Variants in PCDHA6 observed in about 807,000 individuals in gnomAD.
The protein encoded by PCDHA6 is protocadherin alpha-6.
A neutral mutation model predicts 60.3 loss-of-function variants in PCDHA6; 55 were observed. That is an observed-to-expected ratio of 0.91 (90% confidence interval 0.73 to 1.14). The LOEUF (loss-of-function observed/expected upper bound fraction) is 1.14, where lower values mean the gene tolerates loss of function less well. Ranked by LOEUF, PCDHA6 falls within the 50% of genes most tolerant of loss-of-function variation. The pLI, the probability that PCDHA6 is intolerant of heterozygous loss-of-function variation, is 0.00. For missense variants in PCDHA6, 1,327 were observed against 1,256.5 expected (o/e 1.06, Z -0.85); for synonymous variants, 652 against 557.9 (o/e 1.17, Z -2.38).
At chr5:140,927,905 C>T in intron 1 of PCDHA6, 3 of 1,614,210 alleles carry the variant, frequency 1.9e-6, no homozygotes, top group Non-Finnish European at 2.5e-6. Context: ...GATCATGCCC[C>T]CGAACTGGAC....
intron 1 of PCDHA6, chr5:140,834,523 G>A: frequency 1.9e-6 from 3 of 1,614,068 alleles, no homozygotes; most frequent in East Asian, 2.2e-5. Flanking sequence ...TTCGTGGGCC[G>A]CATCGCGCAG....
At chr5:140,867,674 T>C (rs1450203824) in intron 1 of PCDHA6, 1 of 152,128 alleles carries the variant, frequency 6.6e-6, no homozygotes, top group Non-Finnish European at 1.5e-5. Flanking sequence ...CTCTAAAATT[T>C]TGTTGCATCT....
intron 1 of PCDHA6, chr5:140,842,928 G>A (rs2150347921): frequency 6.3e-7 from 1 of 1,594,252 alleles, no homozygotes; most frequent in Admixed American, 1.7e-5. Flanking sequence ...TTCCAGGTGA[G>A]CGCGCGCGAC....
chr5:140,848,618 C>T lies in PCDHA6; in HGVS notation c.2394+18133C>T, dbSNP rs138258410. ...ACTCCGTCCCGGAGGAAGCCGAACA[C>T]GGCACCTTCGTGGGCCGCATCGCGC... is the stretch of plus-strand genomic sequence containing the variant. On this transcript the variant is annotated intron_variant, in intron 1 of 3. Transcript: ENST00000529310. The T allele has an allele frequency of 2.5e-3, 4,005 of 1,588,154 alleles. 452 individuals carry two copies. Among genetic ancestry groups the T allele is most frequent in the Middle Eastern group, 9.3e-3 (53 of 5,704 alleles).
chr5:140,848,600 C>A lies in PCDHA6; in HGVS notation c.2394+18115C>A, dbSNP rs2150414065. On this transcript the variant is annotated intron_variant, in intron 1 of 3. Transcript: ENST00000529310. The stretch of plus-strand genomic sequence containing the variant: ...GGAGCGGCCAGCTCCACTACTCCGT[C>A]CCGGAGGAAGCCGAACACGGCACCT... 2.5e-6 allele frequency: 4 copies of A among 1,593,634 alleles called. 1 individual carries two copies. The highest frequency in any genetic ancestry group is 3.4e-6 in the Non-Finnish European group (4 of 1,164,058).
chr5:140,874,772 T>C (rs2055099588), intron 1 of PCDHA6, among the ~76,000 whole-genome samples: 1 of 152,270 alleles, frequency 6.6e-6, no homozygotes, highest in South Asian at 2.1e-4. Flanking sequence ...TCCATATTTA[T>C]GATGAATTCT....
In PCDHA6 at chr5:140,855,086, A is replaced by G. The variant is rs998686310; in HGVS notation, c.2394+24601A>G. ...CTTAAATACAGAAACCACCACTCTCAGCCTGTGCAGTAGCAATAATTAAGG... is the reference window on the plus strand; with the variant it reads ...CTTAAATACAGAAACCACCACTCTCGGCCTGTGCAGTAGCAATAATTAAGG... On this transcript the variant is annotated intron_variant, in intron 1 of 3. Transcript: ENST00000529310. Among the ~76,000 whole-genome samples the G allele has an allele frequency of 3.5e-4, 52 of 150,018 alleles. 3 individuals are homozygous for G. Among genetic ancestry groups the G allele is most frequent in the African/African-American group, 1.2e-3 (49 of 41,006 alleles).
chr5:140,944,623 T>A (rs535315515), intron 1 of PCDHA6, among the ~76,000 whole-genome samples: 62 of 152,320 alleles, frequency 4.1e-4, no homozygotes, highest in Non-Finnish European at 7.3e-4. Context: ...AGAAGTATAG[T>A]GTTGTAAGCC....
intron 3 of PCDHA6, among the ~76,000 whole-genome samples, chr5:141,002,672 C>A (rs1301536253): frequency 6.6e-6 from 1 of 152,292 alleles, no homozygotes; most frequent in African/African-American, 2.4e-5. Context: ...AGGACCAAAA[C>A]CTATACGACG....
In PCDHA6 at chr5:141,010,363, G is replaced by A; in HGVS notation, c.*426G>A. On this transcript the variant is annotated 3_prime_UTR_variant, in exon 4 of 4. Coordinates refer to ENST00000529310, the MANE Select transcript of PCDHA6 (RefSeq NM_018909.4). ...CACTGGGTATGTGTGGCTACCGCGG[G>A]TATGCGAGTGCCAGATATTGGCTGA... 7 of 1,480,446 alleles carry A rather than the reference G, an allele frequency of 4.7e-6. No homozygotes were observed. The highest frequency in any genetic ancestry group is 5.4e-6 in the Non-Finnish European group (6 of 1,112,646). 91.7% of individuals were successfully genotyped at this position (1,480,446 alleles called of 1,614,324 possible). A position where few individuals can be genotyped will look rare whatever the true frequency, so the allele number is the denominator to read the frequency against.
At chr5:140,922,166 G>A (rs1304025068) in intron 1 of PCDHA6, among the ~76,000 whole-genome samples, 1 of 143,464 alleles carries the variant, frequency 7.0e-6, no homozygotes, top group East Asian at 2.2e-4. Flanking sequence ...ACAACAAAAA[G>A]TACAGCAGAC....
At chr5:140,831,653 A>G (rs1426760036) in intron 1 of PCDHA6, among the ~76,000 whole-genome samples, 1 of 151,162 alleles carries the variant, frequency 6.6e-6, no homozygotes, top group Non-Finnish European at 1.5e-5. Flanking sequence ...GTGAGCCACT[A>G]TGCTTGGCTA....
At chr5:140,865,535 T>C (rs2048909108) in intron 1 of PCDHA6, 3 of 152,192 alleles carry the variant, frequency 2.0e-5, no homozygotes, top group South Asian at 2.1e-4. Context: ...TCTTCATCCA[T>C]AGCTATAGGA....
At chr5:140,862,934 G>A (rs1050739882) in intron 1 of PCDHA6, 1 of 542,302 alleles carries the variant, frequency 1.8e-6, no homozygotes, top group South Asian at 1.4e-5. Context: ...TGGCGGCGCT[G>A]TGAGTGAGCT....
intron 1 of PCDHA6, chr5:140,875,431 T>C (rs1554167634): frequency 1.3e-6 from 2 of 1,558,558 alleles, no homozygotes. Context: ...AAGCGATCCC[T>C]TAAAACTGAT....
In PCDHA6 at chr5:141,011,172, A is replaced by G. The variant is rs377766708; in HGVS notation, c.*1235A>G. On this transcript the variant is annotated 3_prime_UTR_variant, in exon 4 of 4. Transcript: ENST00000529310. ...TCTAACCAACTATATATCAAGACCC[A>G]AAAATTGAAGAAAAATATTGTTTTC... 53 of 153,852 alleles carry G rather than the reference A, an allele frequency of 3.4e-4. No individual in the cohort carries two copies. Among genetic ancestry groups the G allele is most frequent in the African/African-American group, 1.2e-3 (51 of 41,568 alleles). 9.5% of individuals were successfully genotyped at this position (153,852 alleles called of 1,614,324 possible).
At chr5:140,936,347 G>A (rs2090928614) in intron 1 of PCDHA6, among the ~76,000 whole-genome samples, 1 of 152,066 alleles carries the variant, frequency 6.6e-6, no homozygotes, top group South Asian at 2.1e-4. Flanking sequence ...CTGCATATAT[G>A]GAATGTGTAG....
chr5:140,857,108 C>G (rs1562518295), intron 1 of PCDHA6: 2 of 1,597,858 alleles, frequency 1.3e-6, no homozygotes, highest in Non-Finnish European at 1.7e-6. Flanking sequence ...TGTCACTTCT[C>G]TGTCTCTCCC....
In PCDHA6 at chr5:140,935,762, C is replaced by T. The variant is rs187194530; in HGVS notation, c.2395-43187C>T. Among the ~76,000 whole-genome samples the T allele has an allele frequency of 2.5e-3, 386 of 152,162 alleles. 3 individuals are homozygous for T. The highest frequency in any genetic ancestry group is 0.018 in the South Asian group (87 of 4,822). On this transcript the variant is annotated intron_variant, in intron 1 of 3. Transcript: ENST00000529310. ...TTATTCCATACAATACACATTCTTC[C>T]CCACTTTGAGTTTTTTCACTTAAAA... is the stretch of plus-strand genomic sequence containing the variant.
Sources: allele counts gnomAD v4.1 joint callset (sites outside exome capture counted in the v4.1 genomes callset), GRCh38; gene constraint gnomAD v4.1.1; transcripts MANE v1.5; gene names NCBI Gene and HGNC (gene_info 2026-07-23, HGNC 2026-07-21).